The following EVC2 variants were observed in gnomAD, a reference collection of about 807,000 sequenced individuals.
The protein encoded by EVC2 is EvC ciliary complex subunit 2.
Under a neutral mutation model 149.3 loss-of-function variants are expected in EVC2, and 148 were observed. The observed-to-expected ratio is 0.99, with a 90% CI of 0.87 to 1.14. EVC2 has a LOEUF of 1.14. Among genes scored for constraint, EVC2 ranks in the 50% most tolerant of loss-of-function variants. The pLI, the probability that EVC2 is intolerant of heterozygous loss-of-function variation, is 0.00. For missense variants in EVC2, 1,854 were observed against 1,627.3 expected, an observed-to-expected ratio of 1.14 and a Z score of -2.40; for synonymous variants, 776 against 649.9, an observed-to-expected ratio of 1.19 and a Z score of -2.95.
At chr4:5,536,628 C>CA in the EVC2 span, among the ~76,000 whole-genome samples, 5 of 151,896 alleles carry the variant, frequency 3.3e-5, no homozygotes, top group Admixed American at 6.6e-5. Flanking sequence ...ACTAAAAATA[C>CA]AAAAAATTAG....
At position 5,633,146 on chromosome 4, in the gene EVC2, G is replaced by A. The variant is rs1222232434; in HGVS notation, c.1471-1114C>T. On this transcript the variant is annotated intron_variant, in intron 10 of 21. Coordinates refer to ENST00000344408, the MANE Select transcript of EVC2 (RefSeq NM_147127.5). This position sits in a 1 kb window ranked among gnomAD's most constrained non-coding sequence, Gnocchi z 4.4. ...CTGGCTTTGAAGAACCAAACAGCCA[G>A]GCTGTAAACTGTCTCCGCAGAAGGG... 1.3e-5 allele frequency among the ~76,000 whole-genome samples: 2 copies of A among 152,326 alleles called. No individual in the cohort carries two copies. The highest frequency in any genetic ancestry group is 1.3e-4 in the Admixed American group (2 of 15,306).
chr4:5,674,836 T>A (rs1409645865), intron 7 of EVC2, among the ~76,000 whole-genome samples: 1 of 151,866 alleles, frequency 6.6e-6, no homozygotes, highest in African/African-American at 2.4e-5. Context: ...ATGGGCTGGG[T>A]AGGGAGTAAA....
intron 16 of EVC2, 123 bp downstream of exon 16, chr4:5,615,299 G>C: frequency 6.7e-7 from 1 of 1,497,170 alleles, no homozygotes; most frequent in Non-Finnish European, 9.1e-7. Context: ...CTGAGTGAGT[G>C]AGCGGTTGGG....
rs1577189896 is a variant in EVC2, at chr4:5,637,037, C to T, written c.1470+3477G>A. Among the ~76,000 whole-genome samples, 1 of 152,274 alleles carries T rather than the reference C, an allele frequency of 6.6e-6. No individual in the cohort carries two copies. The highest frequency in any genetic ancestry group is 2.4e-5 in the African/African-American group (1 of 41,562). On this transcript the variant is annotated intron_variant, in intron 10 of 21. Coordinates refer to ENST00000344408, the MANE Select transcript of EVC2 (RefSeq NM_147127.5). This position sits in a 1 kb window ranked among gnomAD's most constrained non-coding sequence, Gnocchi z 4.4. ...AGTGATGGTGCCTGCCCAATACACG[C>T]TGGCTTGCAAGGTGGTGTGGGTGGG...
chr4:5,635,028 GCT>G (rs1491456975), intron 10 of EVC2, among the ~76,000 whole-genome samples: 2 of 92,182 alleles, frequency 2.2e-5, no homozygotes, highest in African/African-American at 8.6e-5. Context: ...CAACAAATGT[GCT>G]TTTTTTTTTT....
At chr4:5,645,633 G>T (rs1050613482) in intron 9 of EVC2, among the ~76,000 whole-genome samples, 49 of 152,148 alleles carry the variant, frequency 3.2e-4, no homozygotes, top group African/African-American at 1.1e-3. Context: ...TGGTGTATAT[G>T]TACCACATTT....
At chr4:5,691,906 C>T (rs1000584854) in intron 3 of EVC2, among the ~76,000 whole-genome samples, 5 of 152,230 alleles carry the variant, frequency 3.3e-5, no homozygotes, top group African/African-American at 9.6e-5. Flanking sequence ...CCCTTGAAAC[C>T]GCAGGTTTCC....
At chr4:5,545,271 T>G (rs926048517) in intron 21 of EVC2, among the ~76,000 whole-genome samples, 16 of 151,970 alleles carry the variant, frequency 1.1e-4, no homozygotes, top group Admixed American at 3.3e-4. Flanking sequence ...ACAGAAATGG[T>G]TGAAAGAATA....
intron 17 of EVC2, among the ~76,000 whole-genome samples, chr4:5,577,052 C>G (rs967715173): frequency 1.3e-5 from 2 of 152,214 alleles, no homozygotes; most frequent in African/African-American, 4.8e-5. Flanking sequence ...ATCAGGGTGC[C>G]GAGCACTGCT....
intron 1 of EVC2, among the ~76,000 whole-genome samples, chr4:5,704,984 A>C (rs950701682): frequency 2.0e-5 from 3 of 152,184 alleles, no homozygotes; most frequent in Non-Finnish European, 4.4e-5. Context: ...TGTTGGGATT[A>C]CAGGCGTGAG....
intron 19 of EVC2, among the ~76,000 whole-genome samples, chr4:5,571,575 C>T (rs765269458): frequency 1.2e-4 from 19 of 152,268 alleles, no homozygotes; most frequent in Non-Finnish European, 2.2e-4. Context: ...TTCCTCCCTG[C>T]TCCTCTCCAC....
chr4:5,536,519 T>C, the EVC2 span, among the ~76,000 whole-genome samples: 1 of 152,148 alleles, frequency 6.6e-6, no homozygotes, highest in Non-Finnish European at 1.5e-5. Context: ...GCGCGGTGGC[T>C]CACACCTGTA....
At chr4:5,681,147 T>C (rs896621254) in intron 7 of EVC2, 113 bp downstream of exon 7, 2 of 1,213,894 alleles carry the variant, frequency 1.6e-6, no homozygotes, top group African/African-American at 1.5e-5. Flanking sequence ...TCTCAACGCA[T>C]AACTGGGGGA....
intron 16 of EVC2, among the ~76,000 whole-genome samples, chr4:5,610,794 C>CTTTTTTTTTTT (rs10690279): frequency 3.2e-5 from 4 of 126,504 alleles, no homozygotes; most frequent in African/African-American, 1.2e-4. Context: ...TTTTCCTTTT[C>CTTTTTTTTTTT]TTTTTTTTTT....
intron 1 of EVC2, among the ~76,000 whole-genome samples, chr4:5,703,140 T>C (rs570260575): frequency 2.0e-5 from 3 of 152,354 alleles, no homozygotes; most frequent in African/African-American, 7.2e-5. Context: ...GGCTAGTTAA[T>C]ACAGACAAGA....
rs1409953573 is a variant in EVC2, at chr4:5,628,581, G to A, written c.1864C>T (p.His622Tyr). ...LLSTAAAQLT[H>Y]LIQKHERAGY... ...TACCTCTCGTGCTTCTGAATGAGGT[G>A]AGTCAGCTGGGCTGCAGCGGTGCTC... The change falls in exon 12 of 22, where the codon CAC (histidine) becomes TAC (tyrosine). Residue 622 changes from histidine to tyrosine, a missense_variant. By Grantham distance (83) the His-to-Tyr change is moderately conservative. Coordinates refer to ENST00000344408, the MANE Select transcript of EVC2 (RefSeq NM_147127.5). 1 of 1,614,122 alleles carries A rather than the reference G, an allele frequency of 6.2e-7. No homozygotes were observed. Among genetic ancestry groups the A allele is most frequent in the South Asian group, 1.1e-5 (1 of 91,068 alleles).
At chr4:5,535,762 G>A in the EVC2 span, among the ~76,000 whole-genome samples, 6 of 152,092 alleles carry the variant, frequency 3.9e-5, no homozygotes, top group African/African-American at 1.4e-4. This position sits in a 1 kb window ranked among gnomAD's most constrained non-coding sequence, Gnocchi z 4.7. Flanking sequence ...ATCGCATTAG[G>A]GGCTGGGGCT....
downstream of EVC2, among the ~76,000 whole-genome samples, chr4:5,559,467 C>T (rs1014376263): frequency 3.3e-5 from 5 of 152,158 alleles, no homozygotes; most frequent in African/African-American, 1.2e-4. This position sits in a 1 kb window ranked among gnomAD's most constrained non-coding sequence, Gnocchi z 5.0. Context: ...GTTTCTAATA[C>T]CATTCTCCAA....
At chr4:5,574,082 C>A (rs1030640009) in intron 19 of EVC2, among the ~76,000 whole-genome samples, 2 of 152,234 alleles carry the variant, frequency 1.3e-5, no homozygotes, top group Admixed American at 1.3e-4. Context: ...TCGTGTGGCT[C>A]GCATTCACCA....
Sources: gnomAD v4.1 joint callset for allele counts (sites outside exome capture counted in the v4.1 genomes callset) on GRCh38, gnomAD v4.1.1 for gene constraint, Gnocchi (gnomAD v3.1) non-coding constraint, MANE v1.5 for transcripts, NCBI Gene and HGNC (gene_info 2026-07-23, HGNC 2026-07-21) for gene names.